The following FRAS1 variants were observed in gnomAD, a reference collection of about 807,000 sequenced individuals.
FRAS1 encodes extracellular matrix organizing protein FRAS1.
FRAS1 carries 290 observed loss-of-function variants against 435.2 expected under a neutral mutation model. The ratio of observed to expected loss-of-function variants is 0.67; its 90% confidence interval spans 0.61 to 0.73. The LOEUF is 0.73. Among genes scored for constraint, FRAS1 ranks in the 30% least tolerant of loss-of-function variants. FRAS1 has a pLI of 0.00. For synonymous variants in FRAS1, 1,800 were observed against 1,851.0 expected (o/e 0.97, Z 0.71); for missense variants, 4,860 against 5,001.5 (o/e 0.97, Z 0.85).
chr4:78,276,746 A>G (rs1487379233), intron 9 of FRAS1, among the ~76,000 whole-genome samples: 2 of 152,184 alleles, frequency 1.3e-5, no homozygotes, highest in Non-Finnish European at 2.9e-5. Context: ...CCTCCCAGTT[A>G]GGCTACTTGG....
chr4:78,305,424 T>C (rs1728660308), intron 14 of FRAS1, among the ~76,000 whole-genome samples: 1 of 150,578 alleles, frequency 6.6e-6, no homozygotes, highest in African/African-American at 2.4e-5. Flanking sequence ...CCTTGTTGAC[T>C]TTCTGTCTCG....
chr4:78,089,885 C>G (rs202246100), intron 2 of FRAS1, among the ~76,000 whole-genome samples: 2 of 141,076 alleles, frequency 1.4e-5, no homozygotes, highest in Non-Finnish European at 3.2e-5. Flanking sequence ...CCAATAGTTA[C>G]TTTTTCTGCT....
rs1730582876 is a variant in FRAS1 at position 78,345,732 on chromosome 4, T to G, written c.2422+7915T>G. Among the ~76,000 whole-genome samples, 3 of 152,282 alleles carry G rather than the reference T, an allele frequency of 2.0e-5. No individual in the cohort carries two copies. In the South Asian group the frequency reaches 6.2e-4, roughly 32 times the overall value. On this transcript the variant is annotated intron_variant, in intron 20 of 73. Transcript: ENST00000512123. ...GATTGTCTTTCTTGCTCTCTCAAAT[T>G]TTGTTTTATTTAAGAGATCAATCTC...
intron 2 of FRAS1, among the ~76,000 whole-genome samples, chr4:78,117,951 C>T (rs1718745398): frequency 1.3e-5 from 2 of 152,312 alleles, no homozygotes; most frequent in South Asian, 2.1e-4. Flanking sequence ...TTTTCCCCAT[C>T]TTTGTGGTTT....
At chr4:78,265,466 A>G (rs958549208) in intron 7 of FRAS1, among the ~76,000 whole-genome samples, 1 of 152,118 alleles carries the variant, frequency 6.6e-6, no homozygotes, top group Non-Finnish European at 1.5e-5. Context: ...GATTTTATGC[A>G]TTGACATCTG....
chr4:78,156,012 C>G (rs1278110602), intron 2 of FRAS1, among the ~76,000 whole-genome samples: 1 of 152,172 alleles, frequency 6.6e-6, no homozygotes, highest in African/African-American at 2.4e-5. Context: ...GCATTCTCTC[C>G]TTTGTGCTCA....
intron 2 of FRAS1, among the ~76,000 whole-genome samples, chr4:78,219,929 A>G (rs1217687806): frequency 6.6e-6 from 1 of 152,226 alleles, no homozygotes; most frequent in African/African-American, 2.4e-5. Flanking sequence ...ATGAAGGCCC[A>G]TCATTCTCAC....
chr4:78,087,710 A>C (rs1741265196), intron 2 of FRAS1, among the ~76,000 whole-genome samples: 1 of 152,176 alleles, frequency 6.6e-6, no homozygotes, highest in East Asian at 1.9e-4. Flanking sequence ...TAGGAATCCA[A>C]CTTACAAGGG....
At chr4:78,067,057 T>C (rs1388542847) in intron 2 of FRAS1, among the ~76,000 whole-genome samples, 2 of 152,230 alleles carry the variant, frequency 1.3e-5, no homozygotes, top group African/African-American at 2.4e-5. Flanking sequence ...TGCTCTAAAA[T>C]ATATTATCAC....
rs1721978995 is a variant in FRAS1, at chr4:78,539,340, C to A, written c.11345C>A (p.Pro3782His). The A allele has an allele frequency of 6.2e-7, 1 of 1,613,038 alleles. No individual in the cohort carries two copies. Among genetic ancestry groups the A allele is most frequent in the South Asian group, 1.1e-5 (1 of 90,872 alleles). Residue 3782 changes from proline (P) to histidine (H), a missense_variant, in exon 73 of 74, where the codon CCT becomes CAT. Transcript: ENST00000512123. ...ACTGATAAGTACTTCCATGATGTGC[C>A]TTTTGAGGCTCACTTTGCCTCTGAG... ...EVTDKYFHDV[P>H]FEAHFASELP...
At chr4:78,142,802 A>T (rs1257909427) in intron 2 of FRAS1, among the ~76,000 whole-genome samples, 1 of 152,216 alleles carries the variant, frequency 6.6e-6, no homozygotes, top group Non-Finnish European at 1.5e-5. Flanking sequence ...ATATGAATTT[A>T]GATTGGATTT....
intron 44 of FRAS1, among the ~76,000 whole-genome samples, chr4:78,449,496 G>A (rs1365070822): frequency 1.3e-5 from 2 of 152,088 alleles, no homozygotes; most frequent in Non-Finnish European, 2.9e-5. Context: ...GAATAACTAG[G>A]CTCTACTTTA....
chr4:78,260,288 T>C (rs1032532469), intron 6 of FRAS1, among the ~76,000 whole-genome samples: 1 of 151,932 alleles, frequency 6.6e-6, no homozygotes, highest in Non-Finnish European at 1.5e-5. Context: ...GTAAATTACC[T>C]TGGGCAGTAT....
chr4:78,211,377 A>G (rs1447372334), intron 2 of FRAS1, among the ~76,000 whole-genome samples: 1 of 152,216 alleles, frequency 6.6e-6, no homozygotes, highest in Non-Finnish European at 1.5e-5. Flanking sequence ...AAGTTTATAT[A>G]CTGTCATTGA....
At chr4:78,376,826 A>G (rs1284437101) in intron 26 of FRAS1, among the ~76,000 whole-genome samples, 1 of 152,060 alleles carries the variant, frequency 6.6e-6, no homozygotes, top group African/African-American at 2.4e-5. Flanking sequence ...CCCCGTCTCT[A>G]CTAAAAATAC....
chr4:78,512,518 C>CA (rs11447617), intron 64 of FRAS1, among the ~76,000 whole-genome samples: 71,365 of 151,948 alleles, frequency 0.47, 16,923 homozygotes, highest in South Asian at 0.58. Context: ...GGTACAATGA[C>CA]AAAAATGCAA....
chr4:78,334,589 G>A (rs1245564741), intron 19 of FRAS1, among the ~76,000 whole-genome samples: 8 of 151,308 alleles, frequency 5.3e-5, no homozygotes, highest in African/African-American at 1.7e-4. Flanking sequence ...CAGGCTGGTC[G>A]TGATCTCGTG....
chr4:78,535,797 A>T (rs1158482662), intron 71 of FRAS1, among the ~76,000 whole-genome samples: 1 of 152,152 alleles, frequency 6.6e-6, no homozygotes, highest in Non-Finnish European at 1.5e-5. Flanking sequence ...TTCCGCTTAA[A>T]ACCCTCCAGT....
intron 2 of FRAS1, among the ~76,000 whole-genome samples, chr4:78,189,595 A>T (rs1722437231): frequency 6.6e-6 from 1 of 152,170 alleles, no homozygotes; most frequent in Non-Finnish European, 1.5e-5. Flanking sequence ...TTAGGGATGT[A>T]GGCCTTCTTC....
Sources: gnomAD v4.1 joint callset for allele counts (sites outside exome capture counted in the v4.1 genomes callset) on GRCh38, gnomAD v4.1.1 for gene constraint, MANE v1.5 for transcripts, NCBI Gene and HGNC (gene_info 2026-07-23, HGNC 2026-07-21) for gene names.